Variants in PTGER3 observed in about 807,000 individuals in gnomAD.
The protein encoded by PTGER3 is prostaglandin E receptor 3.
Under a neutral mutation model 34.7 loss-of-function variants are expected in PTGER3, and 22 were observed. The observed-to-expected ratio is 0.63, with a 90% CI of 0.45 to 0.91. The LOEUF is 0.91. Ranked by LOEUF, PTGER3 falls within the 40% of genes least tolerant of loss-of-function variation. The pLI, the probability that PTGER3 is intolerant of heterozygous loss-of-function variation, is 0.00. For missense variants in PTGER3, 468 were observed against 519.4 expected, an observed-to-expected ratio of 0.90 and a Z score of 0.96; for synonymous variants, 241 against 230.1, an observed-to-expected ratio of 1.05 and a Z score of -0.43.
At chr1:70,862,304 C>T in intron 4 of PTGER3, 1 of 1,345,722 alleles carries the variant, frequency 7.4e-7, no homozygotes, top group Non-Finnish European at 9.9e-7. Context: ...TCATGACTTA[C>T]ATCTGCTGTC....
At chr1:70,899,465 A>G (rs1646790374) in intron 4 of PTGER3, among the ~76,000 whole-genome samples, 1 of 152,198 alleles carries the variant, frequency 6.6e-6, no homozygotes, top group Non-Finnish European at 1.5e-5. Context: ...CCAGGCTAAC[A>G]GGAAATCTCA....
chr1:71,012,492 A>G lies in PTGER3; in HGVS notation c.898-8T>C, dbSNP rs1261584477. The G allele has an allele frequency of 2.5e-6, 4 of 1,606,742 alleles. No individual in the cohort carries two copies. Among genetic ancestry groups the G allele is most frequent in the Non-Finnish European group, 3.4e-6 (4 of 1,175,816 alleles). On this transcript the variant is annotated splice_region_variant and splice_polypyrimidine_tract_variant and intron_variant, in intron 1 of 3. Coordinates refer to ENST00000306666, the MANE Select transcript of PTGER3 (RefSeq NM_198719.2). ...CATTTTCAACATCATTATCTAAGAA[A>G]AGGGGACAAATAATTGTTTCAAAGA...
At chr1:70,991,633 G>A (rs1227332669) in intron 2 of PTGER3, among the ~76,000 whole-genome samples, 2 of 152,142 alleles carry the variant, frequency 1.3e-5, no homozygotes, top group African/African-American at 4.8e-5. Context: ...TCAGGTGTCT[G>A]TCTTCTCTTG....
chr1:70,865,849 G>A, intron 4 of PTGER3: 1 of 1,325,462 alleles, frequency 7.5e-7, no homozygotes, highest in Non-Finnish European at 1.0e-6. Context: ...GAGAAGAGCA[G>A]AGATGACATG....
intron 4 of PTGER3, among the ~76,000 whole-genome samples, chr1:70,903,592 G>A (rs906829714): frequency 5.9e-5 from 9 of 151,938 alleles, no homozygotes; most frequent in African/African-American, 2.2e-4. Flanking sequence ...TTTTCACTAC[G>A]AACCCATGCT....
intron 2 of PTGER3, among the ~76,000 whole-genome samples, chr1:70,956,798 G>T (rs1404822982): frequency 6.6e-6 from 1 of 152,146 alleles, no homozygotes; most frequent in African/African-American, 2.4e-5. Context: ...GAGGCCAGGG[G>T]TTCGAGAACA....
At chr1:70,940,649 T>A (rs1163724189) in intron 4 of PTGER3, among the ~76,000 whole-genome samples, 3 of 152,090 alleles carry the variant, frequency 2.0e-5, no homozygotes, top group African/African-American at 7.2e-5. Context: ...GATAAACCCA[T>A]CAGATCTTGT....
intron 2 of PTGER3, among the ~76,000 whole-genome samples, chr1:71,004,363 T>A (rs1439408152): frequency 6.6e-6 from 1 of 152,174 alleles, no homozygotes; most frequent in Non-Finnish European, 1.5e-5. Context: ...TGAACTCTGT[T>A]ATCAAAATGT....
intron 4 of PTGER3, chr1:70,884,028 A>T (rs1324833617): frequency 2.6e-6 from 1 of 379,570 alleles, no homozygotes; most frequent in Non-Finnish European, 5.2e-6. Flanking sequence ...TGAAGGTTGC[A>T]GTGAGCGGAA....
At chr1:70,884,487 G>A (rs112667102) in intron 4 of PTGER3, among the ~76,000 whole-genome samples, 5 of 152,318 alleles carry the variant, frequency 3.3e-5, no homozygotes, top group African/African-American at 1.2e-4. Context: ...AAAGAGATAA[G>A]CAGGAGCAAG....
chr1:71,011,823 T>C, intron 2 of PTGER3: 1 of 998,152 alleles, frequency 1.0e-6, no homozygotes, highest in Non-Finnish European at 1.2e-6. Context: ...GCAATGTCTT[T>C]GAATAAAAAC....
chr1:70,861,680 G>A (rs1645930298), intron 4 of PTGER3, among the ~76,000 whole-genome samples: 1 of 150,002 alleles, frequency 6.7e-6, no homozygotes, highest in Non-Finnish European at 1.5e-5. Context: ...GATGCAATGG[G>A]AATCTTCATG....
chr1:71,039,761 T>C (rs763247465), intron 1 of PTGER3, among the ~76,000 whole-genome samples: 1 of 151,918 alleles, frequency 6.6e-6, no homozygotes, highest in Non-Finnish European at 1.5e-5. Context: ...TTTTCCCCAA[T>C]GAACTATAAC....
chr1:70,884,939 T>C (rs183145131), intron 4 of PTGER3, among the ~76,000 whole-genome samples: 3 of 152,322 alleles, frequency 2.0e-5, no homozygotes, highest in Admixed American at 2.0e-4. Flanking sequence ...GGGAATCCTC[T>C]ATATTTGTTG....
intron 4 of PTGER3, among the ~76,000 whole-genome samples, chr1:70,859,081 G>A (rs1316657468): frequency 6.6e-6 from 1 of 152,198 alleles, no homozygotes; most frequent in Non-Finnish European, 1.5e-5. Context: ...GCCTGTGTCA[G>A]AATTGAGAAT....
At chr1:70,938,215 T>A (rs1167542412) in intron 4 of PTGER3, among the ~76,000 whole-genome samples, 1 of 152,158 alleles carries the variant, frequency 6.6e-6, no homozygotes, top group Non-Finnish European at 1.5e-5. Flanking sequence ...CAGAAGCTAA[T>A]ACATCAAATT....
intron 4 of PTGER3, among the ~76,000 whole-genome samples, chr1:70,894,560 T>C (rs12036317): frequency 1.3e-5 from 2 of 152,226 alleles, no homozygotes; most frequent in East Asian, 1.9e-4. Context: ...TCATTTTTTT[T>C]CCCAAAAAGT....
At chr1:70,862,082 A>T (rs1645939340) in intron 4 of PTGER3, among the ~76,000 whole-genome samples, 1 of 151,918 alleles carries the variant, frequency 6.6e-6, no homozygotes, top group Admixed American at 6.6e-5. Flanking sequence ...TAATCTGAGG[A>T]TCTATATATT....
At chr1:70,925,127 C>T (rs1261402365) in intron 4 of PTGER3, among the ~76,000 whole-genome samples, 2 of 152,170 alleles carry the variant, frequency 1.3e-5, no homozygotes, top group Non-Finnish European at 2.9e-5. Context: ...TCCTCAGCCT[C>T]CCGAGTAACT....
Sources: gnomAD v4.1 joint callset for allele counts (sites outside exome capture counted in the v4.1 genomes callset) on GRCh38, gnomAD v4.1.1 for gene constraint, MANE v1.5 for transcripts, NCBI Gene and HGNC (gene_info 2026-07-23, HGNC 2026-07-21) for gene names.